TRRAP: variants seen among roughly 807,000 people sequenced by gnomAD.
TRRAP encodes the protein transformation/transcription domain associated protein, also known as transformation/transcription domain-associated protein.
A neutral mutation model predicts 438.8 loss-of-function variants in TRRAP; 41 were observed. The ratio of observed to expected loss-of-function variants is 0.09; its 90% CI spans 0.07 to 0.12. The LOEUF (loss-of-function observed/expected upper bound fraction) is 0.12. Ranked by LOEUF, TRRAP falls within the 10% of genes least tolerant of loss-of-function variation. The pLI, the probability that TRRAP is intolerant of heterozygous loss-of-function variation, is 1.00. For missense variants in TRRAP, 3,122 were observed against 5,055.1 expected, an observed-to-expected ratio of 0.62 and a Z score of 11.60; for synonymous variants, 1,994 against 1,962.9, an observed-to-expected ratio of 1.02 and a Z score of -0.42.
rs541389911 is a variant in TRRAP at position 98,905,311 on chromosome 7, A to G, written c.1037-866A>G. On this transcript the variant is annotated intron_variant, in intron 12 of 72. Coordinates refer to ENST00000456197, the MANE Select transcript of TRRAP (RefSeq NM_001375524.1). ...AGTTACCTAGAGATGTGCATCTTGC[A>G]CATTTCAGTGTCTGCATTTCTTTTA... Among the ~76,000 whole-genome samples, 18 of 152,306 alleles carry G rather than the reference A, an allele frequency of 1.2e-4. No homozygotes were observed. In the South Asian group the frequency reaches 3.3e-3, roughly 28 times the overall value.
chr7:99,006,855 G>A (rs1441825847), intron 69 of TRRAP, among the ~76,000 whole-genome samples: 2 of 152,168 alleles, frequency 1.3e-5, no homozygotes, highest in African/African-American at 2.4e-5. Flanking sequence ...AACCCTATGG[G>A]GTAGGTACTA....
Position 98,948,775 on chromosome 7 carries a change from C to A in TRRAP, c.4788+90C>A. The A allele has an allele frequency of 6.3e-7, 1 of 1,585,964 alleles. No individual in the cohort carries two copies. The highest frequency in any genetic ancestry group is 8.6e-7 in the Non-Finnish European group (1 of 1,165,800). ...AATGTTCAGTTCATATTTCACTATT[C>A]AGTGTCCTGGCTGCTTTTTTTTCAG... On this transcript the variant is annotated intron_variant, in intron 35 of 72. Coordinates refer to ENST00000456197, the MANE Select transcript of TRRAP (RefSeq NM_001375524.1). The surrounding 1 kb of genome is among the most constrained non-coding windows in gnomAD (Gnocchi z 4.9).
intron 67 of TRRAP, among the ~76,000 whole-genome samples, chr7:99,001,700 G>A (rs775792248): frequency 2.6e-5 from 4 of 152,096 alleles, no homozygotes; most frequent in African/African-American, 7.2e-5. Context: ...TCTGTGTTCC[G>A]TTCGTGGAAT....
intron 59 of TRRAP, among the ~76,000 whole-genome samples, chr7:98,982,284 G>A (rs1792966573): frequency 6.6e-6 from 1 of 152,154 alleles, no homozygotes; most frequent in Non-Finnish European, 1.5e-5. Context: ...GCTTTTGGCG[G>A]GAGCTGGAGG....
At chr7:98,999,255 TC>T in intron 67 of TRRAP, 5 of 1,181,922 alleles carry the variant, frequency 4.2e-6, no homozygotes, top group Non-Finnish European at 6.4e-6. Context: ...GCCCAGCTTC[TC>T]GCAGAAACAG....
At chr7:98,912,841 A>T (rs1486708275) in intron 18 of TRRAP, among the ~76,000 whole-genome samples, 1 of 152,120 alleles carries the variant, frequency 6.6e-6, no homozygotes. Flanking sequence ...CAGGGAAAAA[A>T]AAACATCTTT....
chr7:98,882,363 C>CTT (rs531239628), intron 3 of TRRAP, among the ~76,000 whole-genome samples: 14 of 138,182 alleles, frequency 1.0e-4, no homozygotes, highest in South Asian at 2.3e-4. Context: ...TCTTTTCTTT[C>CTT]TTTTTTTTTT....
intron 45 of TRRAP, among the ~76,000 whole-genome samples, chr7:98,960,690 C>G (rs577120388): frequency 1.3e-5 from 2 of 152,250 alleles, no homozygotes; most frequent in African/African-American, 4.8e-5. Flanking sequence ...CTCCCGGGTT[C>G]AAGCGATTCT....
intron 21 of TRRAP, among the ~76,000 whole-genome samples, chr7:98,923,716 C>T (rs188068168): frequency 8.5e-5 from 13 of 152,330 alleles, no homozygotes; most frequent in Admixed American, 2.0e-4. Context: ...GTGTGCACTG[C>T]GTGTCTCTAA....
intron 19 of TRRAP, among the ~76,000 whole-genome samples, chr7:98,916,506 T>C (rs1418193610): frequency 4.6e-5 from 7 of 152,176 alleles, no homozygotes; most frequent in African/African-American, 1.7e-4. Flanking sequence ...TTGACCCTTC[T>C]CATGTATTTC....
In TRRAP at chr7:98,993,764, T is replaced by C. The variant is rs774702779; in HGVS notation, c.10047+27T>C. ...TATTTGGCTCTGATCTTGCACATGG[T>C]GGCTCCTTGTAGAGGGGACGTGGTG... On this transcript the variant is annotated intron_variant, in intron 66 of 72. Transcript: ENST00000456197. 4 of 1,611,188 alleles carry C rather than the reference T, an allele frequency of 2.5e-6. No homozygotes were observed. In the South Asian group the frequency reaches 3.3e-5, roughly 13 times the overall value.
chr7:98,928,037 G>A (rs1455475650), intron 23 of TRRAP, among the ~76,000 whole-genome samples: 2 of 152,110 alleles, frequency 1.3e-5, no homozygotes, highest in Non-Finnish European at 2.9e-5. Context: ...TCGGGAGTTC[G>A]AAACCAGCCT....
Position 98,966,569 on chromosome 7 carries a change from C to T in TRRAP, c.7177-472C>T, listed in dbSNP as rs533717878. Among the ~76,000 whole-genome samples, 9 of 152,100 alleles carry T rather than the reference C, an allele frequency of 5.9e-5. No individual in the cohort carries two copies. The East Asian group carries it at 1.7e-3, about 29-fold the overall frequency. ...GTATGGTGGCGCATGCCTGTAATCC[C>T]GGCTGCTCAGGATGCTGAGGCCAGA... On this transcript the variant is annotated intron_variant, in intron 49 of 72. Transcript: ENST00000456197.
chr7:98,923,642 A>G (rs1009613177), intron 21 of TRRAP, among the ~76,000 whole-genome samples: 2 of 152,212 alleles, frequency 1.3e-5, no homozygotes, highest in African/African-American at 2.4e-5. Flanking sequence ...CAGTTCCGCA[A>G]TACCCTCGAA....
rs1346365443 is a variant in TRRAP at position 98,970,419 on chromosome 7, C to T, written c.7692+128C>T. Reference sequence around the variant, plus strand: ...CAGAATCCCAGAGAGGAGGTGAGGCCCCGCGCCCCACGGGCAGAATCCCAG... The same window carrying T: ...CAGAATCCCAGAGAGGAGGTGAGGCTCCGCGCCCCACGGGCAGAATCCCAG... On this transcript the variant is annotated intron_variant, in intron 52 of 72. Coordinates refer to ENST00000456197, the MANE Select transcript of TRRAP (RefSeq NM_001375524.1). 6 of 1,201,630 alleles carry T rather than the reference C, an allele frequency of 5.0e-6. No homozygotes were observed. The East Asian group carries it at 1.5e-4, about 31-fold the overall frequency. The allele number at this position is 1,201,630 out of a possible 1,614,324, so 74.4% of individuals were successfully genotyped here.
rs1302159518 is a variant in TRRAP at position 98,962,299 on chromosome 7, T to C, written c.6704-3T>C. 5.0e-6 allele frequency: 8 copies of C among 1,614,020 alleles called. No individual in the cohort carries two copies. Among genetic ancestry groups the C allele is most frequent in the Non-Finnish European group, 6.8e-6 (8 of 1,180,014 alleles). ...CAGTGCCTGGGTCCCTGCCCTGTTG[T>C]AGGTACTTCCAGTGTGGCCTCCAAA... On this transcript the variant is annotated splice_region_variant and splice_polypyrimidine_tract_variant and intron_variant, in intron 46 of 72. Transcript: ENST00000456197.
At chr7:98,984,548 T>C (rs1224029306) in intron 61 of TRRAP, among the ~76,000 whole-genome samples, 190 bp downstream of exon 61, 1 of 152,172 alleles carries the variant, frequency 6.6e-6, no homozygotes, top group Non-Finnish European at 1.5e-5. Flanking sequence ...GACTGTGAAT[T>C]ACAGTCTCTT....
Position 98,965,877 on chromosome 7 carries a change from C to T in TRRAP, c.7158C>T (p.Ser2386=). The part of the protein sequence containing the change: ...KIVEEWVKNN[S]PMAANQTPTL... ...TGGAAGAATGGGTCAAGAATAACTC[C>T]CCAATGGCAGCCAATCAGGTGAGCT... Residue 2386 remains serine (S), a synonymous_variant, in exon 49 of 73, where the codon TCC becomes TCT. Coordinates refer to ENST00000456197, the MANE Select transcript of TRRAP (RefSeq NM_001375524.1). 1 of 1,614,148 alleles carries T rather than the reference C, an allele frequency of 6.2e-7. No individual in the cohort carries two copies.
intron 30 of TRRAP, among the ~76,000 whole-genome samples, chr7:98,940,098 G>A (rs1457018277): frequency 2.0e-5 from 3 of 152,122 alleles, no homozygotes; most frequent in African/African-American, 4.8e-5. Flanking sequence ...TGGCCAGGCT[G>A]GTGTTGAACT....
Sources: allele counts gnomAD v4.1 joint callset (sites outside exome capture counted in the v4.1 genomes callset), GRCh38; gene constraint gnomAD v4.1.1; non-coding constraint Gnocchi (gnomAD v3.1); transcripts MANE v1.5; gene names NCBI Gene and HGNC (gene_info 2026-07-23, HGNC 2026-07-21).